GIGYF2: variants seen among roughly 807,000 people sequenced by gnomAD.
The protein encoded by GIGYF2 is GRB10 interacting GYF protein 2.
In GIGYF2, 25 loss-of-function variants were observed where a neutral mutation model predicts 208.1. The observed-to-expected ratio is 0.12, with a 90% CI of 0.09 to 0.17. The LOEUF (loss-of-function observed/expected upper bound fraction) is 0.17. Among genes scored for constraint, GIGYF2 ranks in the 10% least tolerant of loss-of-function variants. GIGYF2 has a pLI of 1.00. For synonymous variants in GIGYF2, 534 were observed against 543.8 expected, an observed-to-expected ratio of 0.98 and a Z score of 0.25; for missense variants, 1,302 against 1,579.4, an observed-to-expected ratio of 0.82 and a Z score of 2.98.
chr2:232,818,562 C>G (rs1267846576), intron 20 of GIGYF2, among the ~76,000 whole-genome samples: 1 of 152,108 alleles, frequency 6.6e-6, no homozygotes, highest in African/African-American at 2.4e-5. Context: ...TTTGTGGCAT[C>G]TATGTCAAAA....
Position 232,836,461 on chromosome 2 carries a change from G to C in GIGYF2, c.2766+3368G>C, listed in dbSNP as rs1257658154. Among the ~76,000 whole-genome samples, 4 of 139,502 alleles carry C rather than the reference G, an allele frequency of 2.9e-5. No homozygotes were observed. In the East Asian group the frequency reaches 6.1e-4, roughly 21 times the overall value. 91.5% of individuals were successfully genotyped at this position (139,502 alleles called of 152,430 possible). A position where few individuals can be genotyped will look rare whatever the true frequency, so the allele number is the denominator to read the frequency against. ...TGTGCCTGTGGTCCTAGCTACTCAG[G>C]AGGCTGAGGTGGGAAGATCACTTGA... On this transcript the variant is annotated intron_variant, in intron 22 of 28. Coordinates refer to ENST00000373563, the MANE Select transcript of GIGYF2 (RefSeq NM_001103146.3).
At chr2:232,763,982 A>G (rs1698847567) in intron 8 of GIGYF2, among the ~76,000 whole-genome samples, 1 of 152,202 alleles carries the variant, frequency 6.6e-6, no homozygotes, top group Non-Finnish European at 1.5e-5. Context: ...GAACTCATTT[A>G]TTCATTCAAC....
chr2:232,854,895 A>G (rs1574958976), intron 28 of GIGYF2, among the ~76,000 whole-genome samples: 2 of 152,128 alleles, frequency 1.3e-5, no homozygotes, highest in Admixed American at 1.3e-4. Context: ...TTGGTATTCA[A>G]ATAACTAAAA....
At chr2:232,706,358 TG>T (rs2106247636) in intron 2 of GIGYF2, among the ~76,000 whole-genome samples, 1 of 152,358 alleles carries the variant, frequency 6.6e-6, no homozygotes, top group East Asian at 1.9e-4. Flanking sequence ...AAAATTGTCA[TG>T]GGCTGAGCAC....
intron 8 of GIGYF2, chr2:232,776,345 A>T: frequency 2.4e-6 from 2 of 818,518 alleles, no homozygotes; most frequent in Non-Finnish European, 4.1e-6. Flanking sequence ...TTGTTTTAAA[A>T]ATCTGTTGGA....
intron 8 of GIGYF2, chr2:232,766,566 G>A (rs1210543751): frequency 1.3e-5 from 2 of 152,194 alleles, no homozygotes; most frequent in Non-Finnish European, 1.5e-5. Context: ...ATAGTCTTGG[G>A]TTGGGAAAAT....
chr2:232,825,406 G>A (rs2106401323), intron 21 of GIGYF2, among the ~76,000 whole-genome samples: 1 of 152,302 alleles, frequency 6.6e-6, no homozygotes, highest in East Asian at 1.9e-4. Context: ...CCACCCTCAT[G>A]GATGACTGTG....
At chr2:232,810,126 T>G (rs1277561576) in intron 16 of GIGYF2, among the ~76,000 whole-genome samples, 1 of 152,268 alleles carries the variant, frequency 6.6e-6, no homozygotes, top group Admixed American at 6.5e-5. Flanking sequence ...TAGCTGGGAC[T>G]ACAGGCGTGT....
At chr2:232,756,403 A>G (rs1176555918) in intron 6 of GIGYF2, 69 bp downstream of exon 6, 20 of 736,308 alleles carry the variant, frequency 2.7e-5, no homozygotes, top group Admixed American at 1.4e-4. Flanking sequence ...CTTTTAAAAT[A>G]TTTTAATGCC....
At chr2:232,715,358 G>T (rs1696631030) in intron 2 of GIGYF2, among the ~76,000 whole-genome samples, 1 of 152,096 alleles carries the variant, frequency 6.6e-6, no homozygotes, top group Non-Finnish European at 1.5e-5. Flanking sequence ...GTATTGGGTT[G>T]CAGTGTTTAT....
intron 28 of GIGYF2, among the ~76,000 whole-genome samples, chr2:232,855,017 A>G (rs569392172): frequency 6.2e-4 from 94 of 152,006 alleles, no homozygotes; most frequent in Non-Finnish European, 1.2e-3. Flanking sequence ...GAAGTTTTGG[A>G]AAAATTACAT....
At chr2:232,835,785 C>G (rs1701569459) in intron 22 of GIGYF2, among the ~76,000 whole-genome samples, 2 of 152,084 alleles carry the variant, frequency 1.3e-5, no homozygotes, top group South Asian at 4.1e-4. Context: ...TTTGGCAGGG[C>G]TCTCTTTGAT....
intron 2 of GIGYF2, among the ~76,000 whole-genome samples, chr2:232,728,777 G>A (rs924572299): frequency 3.3e-5 from 5 of 152,002 alleles, no homozygotes; most frequent in Non-Finnish European, 5.9e-5. Context: ...AATAAAGATG[G>A]GCAAAGAAAT....
In GIGYF2 at chr2:232,817,048, C is replaced by T; in HGVS notation, c.2370+16C>T. The T allele has an allele frequency of 2.5e-6, 4 of 1,591,800 alleles. No homozygotes were observed. The highest frequency in any genetic ancestry group is 3.4e-6 in the Non-Finnish European group (4 of 1,159,660). On this transcript the variant is annotated intron_variant, in intron 20 of 28. Coordinates refer to ENST00000373563, the MANE Select transcript of GIGYF2 (RefSeq NM_001103146.3). Reference sequence around the variant, plus strand: ...AAGGAAACAGGTATGTATCTGGGAACTCTGACCATAGGATTAGTGCTTGAT... The same window carrying T: ...AAGGAAACAGGTATGTATCTGGGAATTCTGACCATAGGATTAGTGCTTGAT...
intron 18 of GIGYF2, among the ~76,000 whole-genome samples, chr2:232,814,019 C>A (rs1374938414): frequency 6.6e-6 from 1 of 150,794 alleles, no homozygotes; most frequent in African/African-American, 2.4e-5. Flanking sequence ...TCCCGAGTAG[C>A]TGGGATTACA....
intron 8 of GIGYF2, among the ~76,000 whole-genome samples, chr2:232,769,969 C>A (rs1699164843): frequency 6.6e-6 from 1 of 152,078 alleles, no homozygotes; most frequent in Non-Finnish European, 1.5e-5. Context: ...ACTAATACTG[C>A]TGGTGGTATT....
At chr2:232,795,995 GTTA>G (rs1388774435) in intron 13 of GIGYF2, 64 bp from the exon 14 acceptor site, 22 of 1,162,950 alleles carry the variant, frequency 1.9e-5, no homozygotes, top group African/African-American at 4.5e-5. Flanking sequence ...GGCAGGCACT[GTTA>G]TTATGTGTAC....
At chr2:232,771,502 C>T (rs1699244543) in intron 8 of GIGYF2, 1 of 590,930 alleles carries the variant, frequency 1.7e-6, no homozygotes, top group Admixed American at 3.1e-5. Context: ...TGCCAACTCT[C>T]TCGCTTTTCT....
At chr2:232,831,056 G>T (rs1365652473) in intron 21 of GIGYF2, among the ~76,000 whole-genome samples, 3 of 152,174 alleles carry the variant, frequency 2.0e-5, no homozygotes, top group Non-Finnish European at 2.9e-5. Context: ...AGATCACAGA[G>T]GCAAGGTGGC....
Sources: allele counts gnomAD v4.1 joint callset (sites outside exome capture counted in the v4.1 genomes callset), GRCh38; gene constraint gnomAD v4.1.1; transcripts MANE v1.5; gene names NCBI Gene and HGNC (gene_info 2026-07-23, HGNC 2026-07-21).